The following PKIB variants were observed in gnomAD, a reference collection of about 807,000 sequenced individuals.
PKIB encodes the protein PKI-beta.
A neutral mutation model predicts 4.5 loss-of-function variants in PKIB; 2 were observed. The ratio of observed to expected loss-of-function variants is 0.44; its 90% confidence interval spans 0.18 to 1.39. The LOEUF is 1.39. Among genes scored for constraint, PKIB ranks in the 40% most tolerant of loss-of-function variants. The probability of loss-of-function intolerance (pLI) is 0.27; values close to 1 mark genes in which losing one functional copy is unlikely to be tolerated. For missense variants in PKIB, 94 were observed against 92.6 expected, an observed-to-expected ratio of 1.02 and a Z score of -0.06; for synonymous variants, 38 against 36.0, an observed-to-expected ratio of 1.06 and a Z score of -0.20.
At chr6:122,603,638 G>A (rs1428704864) in intron 3 of PKIB, among the ~76,000 whole-genome samples, 3 of 151,894 alleles carry the variant, frequency 2.0e-5, no homozygotes, top group South Asian at 2.1e-4. Flanking sequence ...GTGCTACCAC[G>A]CCCGGCTAAT....
intron 2 of PKIB, among the ~76,000 whole-genome samples, chr6:122,495,080 C>T (rs1006436897): frequency 1.3e-5 from 2 of 152,216 alleles, no homozygotes; most frequent in African/African-American, 4.8e-5. Context: ...TCCTGCCAGG[C>T]AGGATCTACA....
At chr6:122,497,596 A>T (rs750930125) in intron 2 of PKIB, among the ~76,000 whole-genome samples, 14 of 152,206 alleles carry the variant, frequency 9.2e-5, no homozygotes, top group Non-Finnish European at 1.6e-4. Flanking sequence ...ACTTTAAAAC[A>T]TCAACAATAA....
chr6:122,588,916 T>G (rs1773933109), intron 3 of PKIB, among the ~76,000 whole-genome samples: 1 of 152,172 alleles, frequency 6.6e-6, no homozygotes, highest in Admixed American at 6.5e-5. Context: ...CTTGGTTTCT[T>G]TTGATTCCCA....
rs544077234 is a variant in PKIB at position 122,541,222 on chromosome 6, A to C, written c.-247-44699A>C. Among the ~76,000 whole-genome samples the C allele has an allele frequency of 2.6e-4, 39 of 152,184 alleles. 2 individuals are homozygous for C. In the South Asian group the frequency reaches 6.6e-3, roughly 26 times the overall value. On this transcript the variant is annotated intron_variant, in intron 2 of 6. Transcript: ENST00000392491. ...TGTTATTTGTGAATTTGGTCCTGTC[A>C]TTATGATGTTAGCTGGTTATTTTGC...
intron 2 of PKIB, among the ~76,000 whole-genome samples, chr6:122,666,588 G>A (rs1268258929): frequency 2.0e-5 from 3 of 152,128 alleles, no homozygotes; most frequent in Non-Finnish European, 4.4e-5. Flanking sequence ...TGCCCTCATG[G>A]GCGCATTTCT....
intron 3 of PKIB, among the ~76,000 whole-genome samples, chr6:122,696,835 A>T (rs922108723): frequency 6.6e-6 from 1 of 152,188 alleles, no homozygotes; most frequent in East Asian, 1.9e-4. Flanking sequence ...TGGACACAGG[A>T]TATGTGTGAA....
intron 2 of PKIB, among the ~76,000 whole-genome samples, chr6:122,653,394 TCTC>T (rs937621514): frequency 2.0e-5 from 3 of 152,092 alleles, no homozygotes; most frequent in Middle Eastern, 3.4e-3. Flanking sequence ...GTTGGGCTGT[TCTC>T]CTCTCTTGCA....
At chr6:122,587,942 G>T (rs1773900283) in intron 3 of PKIB, among the ~76,000 whole-genome samples, 2 of 152,238 alleles carry the variant, frequency 1.3e-5, no homozygotes, top group Non-Finnish European at 1.5e-5. Context: ...CAGATGAGTA[G>T]ATTGCAAAAA....
intron 2 of PKIB, among the ~76,000 whole-genome samples, chr6:122,539,579 T>C (rs1426867439): frequency 6.6e-6 from 1 of 152,100 alleles, no homozygotes; most frequent in Non-Finnish European, 1.5e-5. Flanking sequence ...CTGAATTCGG[T>C]TTGCCAGTAT....
At chr6:122,663,759 T>G (rs2114922336) in intron 2 of PKIB, among the ~76,000 whole-genome samples, 1 of 152,324 alleles carries the variant, frequency 6.6e-6, no homozygotes, top group East Asian at 1.9e-4. Flanking sequence ...CTTAACTTGG[T>G]TACATTTGCC....
intron 2 of PKIB, among the ~76,000 whole-genome samples, chr6:122,655,149 A>G (rs1157205235): frequency 2.0e-5 from 3 of 152,136 alleles, no homozygotes; most frequent in Non-Finnish European, 4.4e-5. Flanking sequence ...ATTCCTATGT[A>G]TAAGTACCAT....
intron 2 of PKIB, among the ~76,000 whole-genome samples, chr6:122,513,090 C>G (rs894401919): frequency 6.6e-6 from 1 of 152,198 alleles, no homozygotes; most frequent in African/African-American, 2.4e-5. Context: ...ATTTACTCTT[C>G]CACCTCTGAT....
At chr6:122,483,893 T>C (rs757501105) in intron 2 of PKIB, 4 of 152,354 alleles carry the variant, frequency 2.6e-5, no homozygotes, top group Admixed American at 1.3e-4. Context: ...TTTTCTTGTA[T>C]CTTTTTCTTC....
rs571318874 is a variant in PKIB, at chr6:122,567,049, T to A, written c.-247-18872T>A. Among the ~76,000 whole-genome samples, 12 of 152,300 alleles carry A rather than the reference T, an allele frequency of 7.9e-5. 1 individual carries two copies. In the East Asian group the frequency reaches 2.3e-3, roughly 29 times the overall value. ...GCAATTTACAATGTCCTCAGAAATA[T>A]ATAGAGGTAAAAATTTCAATAGGCT... On this transcript the variant is annotated intron_variant, in intron 2 of 6. Transcript: ENST00000392491.
chr6:122,718,060 C>A, intron 4 of PKIB, 97 bp downstream of exon 4: 1 of 1,220,760 alleles, frequency 8.2e-7, no homozygotes, highest in Non-Finnish European at 1.1e-6. Context: ...TAAAAGTGCT[C>A]AGTTTCCTTA....
At chr6:122,526,075 C>T (rs915943562) in intron 2 of PKIB, among the ~76,000 whole-genome samples, 2 of 152,178 alleles carry the variant, frequency 1.3e-5, no homozygotes, top group African/African-American at 4.8e-5. Context: ...ACTTTTTATG[C>T]TCATTCCTTA....
At position 122,572,478 on chromosome 6, in the gene PKIB, GT is replaced by G. The variant is rs140302021; in HGVS notation, c.-247-13442del. ...AAACCTCCGGGATACAGCAAAAGTA[GT>G]ACCAAAAGGAAAGCTAATAGTATTA... On this transcript the variant is annotated intron_variant, in intron 2 of 6. Transcript: ENST00000392491. Among the ~76,000 whole-genome samples the G allele has an allele frequency of 2.2e-3, 333 of 152,042 alleles. 8 individuals carry two copies. In the East Asian group the frequency reaches 0.043, roughly 20 times the overall value.
At chr6:122,598,210 T>C (rs1212333409) in intron 3 of PKIB, among the ~76,000 whole-genome samples, 1 of 152,224 alleles carries the variant, frequency 6.6e-6, no homozygotes, top group Non-Finnish European at 1.5e-5. Flanking sequence ...TTCTCTGTTT[T>C]ATAATTCAAA....
At chr6:122,515,290 C>A (rs1290999904) in intron 2 of PKIB, among the ~76,000 whole-genome samples, 1 of 152,096 alleles carries the variant, frequency 6.6e-6, no homozygotes, top group Non-Finnish European at 1.5e-5. Flanking sequence ...CTGTTTCTGA[C>A]TTCTTCAAGC....
Sources: allele counts gnomAD v4.1 joint callset (sites outside exome capture counted in the v4.1 genomes callset), GRCh38; gene constraint gnomAD v4.1.1; transcripts MANE v1.5; gene names NCBI Gene and HGNC (gene_info 2026-07-23, HGNC 2026-07-21).